Variants in ST7 observed in about 807,000 individuals in gnomAD.
ST7 encodes the protein suppressor of tumorigenicity 7 protein.
ST7 carries 28 observed loss-of-function variants against 78.7 expected under a neutral mutation model. The observed-to-expected ratio is 0.36, with a 90% confidence interval of 0.26 to 0.49. The LOEUF (loss-of-function observed/expected upper bound fraction) is 0.49, where lower values mean the gene tolerates loss of function less well. ST7 is among the 20% of genes least tolerant of loss of function. The pLI is 0.99. For synonymous variants in ST7, 247 were observed against 249.6 expected (o/e 0.99, Z 0.10); for missense variants, 418 against 696.0 (o/e 0.60, Z 4.49).
At chr7:117,068,317 T>C (rs1343056703) in intron 1 of ST7, among the ~76,000 whole-genome samples, 3 of 152,216 alleles carry the variant, frequency 2.0e-5, no homozygotes, top group Admixed American at 6.5e-5. Flanking sequence ...AATCTAGCAC[T>C]AAGTTGTTTT....
intron 2 of ST7, among the ~76,000 whole-genome samples, chr7:117,117,230 G>T (rs1040356137): frequency 1.3e-5 from 2 of 152,142 alleles, no homozygotes; most frequent in African/African-American, 4.8e-5. Flanking sequence ...TTATGATTCT[G>T]CTGGAAGAAC....
intron 1 of ST7, among the ~76,000 whole-genome samples, chr7:116,960,682 T>C (rs1792781546): frequency 6.6e-6 from 1 of 152,210 alleles, no homozygotes; most frequent in Admixed American, 6.5e-5. Context: ...GGTACTTAAC[T>C]TGTACATTTG....
chr7:117,143,895 A>G (rs1352454471), intron 9 of ST7, among the ~76,000 whole-genome samples: 1 of 152,192 alleles, frequency 6.6e-6, no homozygotes, highest in Non-Finnish European at 1.5e-5. Flanking sequence ...CATTTTTTCA[A>G]TTAAAAATAT....
At chr7:117,154,482 C>T (rs1806535395) in intron 9 of ST7, among the ~76,000 whole-genome samples, 1 of 152,166 alleles carries the variant, frequency 6.6e-6, no homozygotes, top group Admixed American at 6.6e-5. Flanking sequence ...CAGGTGGGGC[C>T]TGCAGAGGAG....
At chr7:117,027,293 T>C (rs1170583297) in intron 1 of ST7, among the ~76,000 whole-genome samples, 3 of 151,722 alleles carry the variant, frequency 2.0e-5, no homozygotes, top group African/African-American at 7.3e-5. Flanking sequence ...ATACAAAAAT[T>C]AGCCGGGCAT....
At chr7:117,153,347 G>C (rs751835346) in intron 9 of ST7, among the ~76,000 whole-genome samples, 5 of 152,168 alleles carry the variant, frequency 3.3e-5, no homozygotes, top group Non-Finnish European at 5.9e-5. Flanking sequence ...CTGAGCTTAT[G>C]AGAGAGATAT....
intron 2 of ST7, among the ~76,000 whole-genome samples, chr7:117,107,752 TA>T (rs1200262537): frequency 6.6e-6 from 1 of 151,864 alleles, no homozygotes; most frequent in Non-Finnish European, 1.5e-5. Context: ...TAGCTGGGAT[TA>T]CAGGCATGTG....
chr7:117,144,301 A>G (rs909417249), intron 9 of ST7: 5 of 152,010 alleles, frequency 3.3e-5, no homozygotes, highest in Non-Finnish European at 7.4e-5. Context: ...AAATTTTATT[A>G]TTATGAAAAT....
At chr7:116,975,414 A>G (rs1015991751) in intron 1 of ST7, among the ~76,000 whole-genome samples, 3 of 148,572 alleles carry the variant, frequency 2.0e-5, no homozygotes, top group Non-Finnish European at 4.5e-5. Context: ...TTTGAAAACA[A>G]TTTTTTTTTT....
intron 1 of ST7, among the ~76,000 whole-genome samples, chr7:117,021,475 G>T (rs897180977): frequency 6.6e-6 from 1 of 152,200 alleles, no homozygotes; most frequent in African/African-American, 2.4e-5. Flanking sequence ...TCAACCTGCT[G>T]GCTAGAGCAT....
chr7:116,966,349 G>A (rs1389825651), intron 1 of ST7, among the ~76,000 whole-genome samples: 1 of 148,750 alleles, frequency 6.7e-6, no homozygotes. Context: ...CTTCCAGGTT[G>A]AAGTGATTCT....
At chr7:116,970,087 T>C (rs12672497) in intron 1 of ST7, among the ~76,000 whole-genome samples, 95 of 151,702 alleles carry the variant, frequency 6.3e-4, no homozygotes, top group East Asian at 3.7e-3. Flanking sequence ...AAAAACAAAA[T>C]AAAACAAAAC....
intron 1 of ST7, among the ~76,000 whole-genome samples, chr7:117,082,780 C>T (rs1799881823): frequency 6.6e-6 from 1 of 152,170 alleles, no homozygotes; most frequent in African/African-American, 2.4e-5. Flanking sequence ...CTATTTAACT[C>T]AGCTGTTGTA....
At chr7:117,217,896 A>G (rs1436425533) in intron 13 of ST7, among the ~76,000 whole-genome samples, 2 of 152,200 alleles carry the variant, frequency 1.3e-5, no homozygotes, top group Non-Finnish European at 2.9e-5. Flanking sequence ...CAAATGCTGG[A>G]ATCACATACA....
At chr7:116,965,543 G>A (rs1444613132) in intron 1 of ST7, among the ~76,000 whole-genome samples, 2 of 152,070 alleles carry the variant, frequency 1.3e-5, no homozygotes, top group African/African-American at 2.4e-5. Flanking sequence ...AAACCTGCAC[G>A]TTCTGCACAT....
rs994824837 is a variant in ST7, at chr7:117,207,309, A to G, written c.1255-2478A>G. On this transcript the variant is annotated intron_variant, in intron 12 of 15. Coordinates refer to ENST00000323984, the MANE Select transcript of ST7 (RefSeq NM_001369598.1). Reference sequence around the variant, plus strand: ...TAGGCACCCACCACCACGCCCAGCTAATTTTTGTATTTTTAGTAGAGACAG... The same window carrying G: ...TAGGCACCCACCACCACGCCCAGCTGATTTTTGTATTTTTAGTAGAGACAG... Among the ~76,000 whole-genome samples, 7 of 152,030 alleles carry G rather than the reference A, an allele frequency of 4.6e-5. 1 individual carries two copies. The highest frequency in any genetic ancestry group is 4.6e-4 in the Admixed American group (7 of 15,262).
chr7:117,144,565 C>T (rs761238129), intron 9 of ST7, among the ~76,000 whole-genome samples: 12 of 148,582 alleles, frequency 8.1e-5, no homozygotes, highest in African/African-American at 1.5e-4. Context: ...CCTGGTAGGT[C>T]AAGGCTGCAG....
At chr7:116,954,552 C>T (rs1431046536) in intron 1 of ST7, 2 of 152,192 alleles carry the variant, frequency 1.3e-5, no homozygotes, top group Non-Finnish European at 2.9e-5. Flanking sequence ...AACTTGGAGC[C>T]AGCCCACTGA....
intron 9 of ST7, among the ~76,000 whole-genome samples, chr7:117,156,768 G>A (rs1563128373): frequency 2.0e-5 from 3 of 152,036 alleles, no homozygotes; most frequent in Admixed American, 1.3e-4. Flanking sequence ...AATGAGAGTG[G>A]CCCAAGAAAG....
Sources: allele counts gnomAD v4.1 joint callset (sites outside exome capture counted in the v4.1 genomes callset), GRCh38; gene constraint gnomAD v4.1.1; transcripts MANE v1.5; gene names NCBI Gene and HGNC (gene_info 2026-07-23, HGNC 2026-07-21).